TTLL11: variants seen among roughly 807,000 people sequenced by gnomAD.
TTLL11 encodes tubulin tyrosine ligase like 11.
TTLL11 carries 42 observed loss-of-function variants against 51.7 expected under a neutral mutation model. The observed-to-expected ratio is 0.81, with a 90% CI of 0.64 to 1.05. The LOEUF (loss-of-function observed/expected upper bound fraction) is 1.05, where lower values mean the gene tolerates loss of function less well. Ranked by LOEUF, TTLL11 falls within the 50% of genes least tolerant of loss-of-function variation. TTLL11 has a pLI of 0.00. For synonymous variants in TTLL11, 381 were observed against 383.5 expected (o/e 0.99, Z 0.08); for missense variants, 799 against 940.4 (o/e 0.85, Z 1.97).
chr9:122,064,055 C>T (rs1009414500), intron 1 of TTLL11, among the ~76,000 whole-genome samples: 3 of 152,176 alleles, frequency 2.0e-5, no homozygotes, highest in African/African-American at 7.2e-5. Context: ...TGTTCTTATT[C>T]TCTTCTAAAG....
chr9:122,066,674 G>T (rs117924534), intron 1 of TTLL11, among the ~76,000 whole-genome samples: 2,069 of 152,232 alleles, frequency 0.014, 20 homozygotes, highest in Non-Finnish European at 0.022. Context: ...TACACAATCG[G>T]TAAAACTTAT....
At chr9:121,962,636 T>G (rs1842269287) in intron 6 of TTLL11, among the ~76,000 whole-genome samples, 1 of 152,248 alleles carries the variant, frequency 6.6e-6, no homozygotes, top group South Asian at 2.1e-4. Context: ...CAGGTCTTCT[T>G]ATGAAACTTC....
intron 6 of TTLL11, among the ~76,000 whole-genome samples, chr9:121,888,147 C>A (rs763657281): frequency 5.9e-5 from 9 of 152,190 alleles, no homozygotes; most frequent in Non-Finnish European, 1.0e-4. Flanking sequence ...AGGGTTAAGC[C>A]CATCCTGGCT....
Position 122,039,383 on chromosome 9 carries a change from A to G in TTLL11, c.463-15T>C. Reference sequence around the variant, plus strand: ...CCAAATGGGAACTAGAAGAGAAAAAATGTGACTCGCAATAAGAATAAGAAG... The same window carrying G: ...CCAAATGGGAACTAGAAGAGAAAAAGTGTGACTCGCAATAAGAATAAGAAG... On this transcript the variant is annotated splice_polypyrimidine_tract_variant and intron_variant, in intron 1 of 8. Coordinates refer to ENST00000321582, the MANE Select transcript of TTLL11 (RefSeq NM_001139442.2). The G allele has an allele frequency of 1.2e-6, 2 of 1,604,896 alleles. No individual in the cohort carries two copies. Among genetic ancestry groups the G allele is most frequent in the Non-Finnish European group, 1.7e-6 (2 of 1,171,904 alleles).
Position 121,822,786 on chromosome 9 carries a change from A to G in TTLL11, c.1934T>C (p.Ile645Thr). 1 of 1,551,710 alleles carries G rather than the reference A, an allele frequency of 6.4e-7. No homozygotes were observed. Among genetic ancestry groups the G allele is most frequent in the Non-Finnish European group, 8.7e-7 (1 of 1,146,992 alleles). ...GGACAGGTGGTACTCGCAAAGGTCA[A>G]TCAGTGAGGCCACCTGCTCATGAAG... Reference protein sequence around the residue: ...LPLHEQVASLIDLCEYHLSLL... With the variant: ...LPLHEQVASLTDLCEYHLSLL... The change falls in exon 9 of 9, where the codon ATT (isoleucine) becomes ACT (threonine). Residue 645 changes from isoleucine to threonine, a missense_variant. Ile to Thr is a moderately conservative substitution (Grantham distance 89). Coordinates refer to ENST00000321582, the MANE Select transcript of TTLL11 (RefSeq NM_001139442.2). The surrounding 1 kb of genome is among the most constrained non-coding windows in gnomAD (Gnocchi z 5.8).
chr9:121,878,051 T>A (rs574557301), intron 6 of TTLL11, among the ~76,000 whole-genome samples: 1 of 152,330 alleles, frequency 6.6e-6, no homozygotes, highest in African/African-American at 2.4e-5. Context: ...TTTCCTAAGG[T>A]GGCTCAGCTT....
At chr9:121,968,267 A>G (rs1360234638) in intron 6 of TTLL11, among the ~76,000 whole-genome samples, 1 of 152,202 alleles carries the variant, frequency 6.6e-6, no homozygotes, top group African/African-American at 2.4e-5. Flanking sequence ...ACAAAATGCT[A>G]CCTTAGCCAA....
chr9:122,005,424 T>C (rs1335746629), intron 3 of TTLL11, among the ~76,000 whole-genome samples: 1 of 152,100 alleles, frequency 6.6e-6, no homozygotes, highest in Non-Finnish European at 1.5e-5. Context: ...CCATTGATAA[T>C]TCTGCTCAGG....
At chr9:122,063,326 T>C (rs1334052013) in intron 1 of TTLL11, among the ~76,000 whole-genome samples, 1 of 152,210 alleles carries the variant, frequency 6.6e-6, no homozygotes, top group Non-Finnish European at 1.5e-5. Context: ...TGAAGATCCA[T>C]ATATGATAAC....
chr9:121,904,473 C>T (rs1839869257), intron 6 of TTLL11, among the ~76,000 whole-genome samples: 1 of 152,228 alleles, frequency 6.6e-6, no homozygotes, highest in South Asian at 2.1e-4. Flanking sequence ...CCACGCCCAG[C>T]CCAATACATT....
chr9:122,048,836 G>A (rs902574057), intron 1 of TTLL11, among the ~76,000 whole-genome samples: 6 of 152,032 alleles, frequency 3.9e-5, no homozygotes, highest in African/African-American at 1.5e-4. Context: ...ACCCATCACA[G>A]GCCATTCTGC....
chr9:121,877,377 T>C (rs955598187), intron 6 of TTLL11, among the ~76,000 whole-genome samples: 18 of 152,156 alleles, frequency 1.2e-4, no homozygotes, highest in African/African-American at 3.9e-4. Context: ...GCCTGACGGG[T>C]GATGCTAGGC....
chr9:122,024,872 A>C (rs1379514647), intron 3 of TTLL11, among the ~76,000 whole-genome samples: 2 of 151,320 alleles, frequency 1.3e-5, no homozygotes, highest in African/African-American at 2.4e-5. Context: ...GGTTAGATAT[A>C]AATTCCTATA....
chr9:121,830,773 C>T (rs914211852), intron 8 of TTLL11, among the ~76,000 whole-genome samples: 8 of 152,170 alleles, frequency 5.3e-5, no homozygotes, highest in Non-Finnish European at 1.2e-4. Flanking sequence ...TAGAGGAGAC[C>T]TGGAAGGTTC....
At chr9:121,971,320 G>A (rs1382670543) in intron 6 of TTLL11, among the ~76,000 whole-genome samples, 1 of 80,934 alleles carries the variant, frequency 1.2e-5, no homozygotes, top group Admixed American at 1.2e-4. Flanking sequence ...GATGAGGGGC[G>A]CCTCTGCCCG....
intron 3 of TTLL11, among the ~76,000 whole-genome samples, chr9:122,019,823 T>C (rs139719126): frequency 2.0e-5 from 3 of 152,326 alleles, no homozygotes; most frequent in East Asian, 1.9e-4. Context: ...CAGTGGGAGA[T>C]AACTGAATCA....
At chr9:121,826,177 C>A (rs1654617680) in intron 8 of TTLL11, among the ~76,000 whole-genome samples, 11 of 31,156 alleles carry the variant, frequency 3.5e-4, no homozygotes, top group African/African-American at 8.3e-4. Context: ...TATATATAAC[C>A]AGTAACCTAT....
chr9:122,051,681 C>T (rs1044865430), intron 1 of TTLL11, among the ~76,000 whole-genome samples: 7 of 152,184 alleles, frequency 4.6e-5, no homozygotes, highest in Non-Finnish European at 5.9e-5. Context: ...TCACTTCCCA[C>T]TCGCTGGTTG....
At chr9:121,892,364 C>A (rs1239813218) in intron 6 of TTLL11, among the ~76,000 whole-genome samples, 1 of 151,972 alleles carries the variant, frequency 6.6e-6, no homozygotes, top group Non-Finnish European at 1.5e-5. Flanking sequence ...ACTCACAATT[C>A]CACATGGGGG....
Sources: gnomAD v4.1 joint callset for allele counts (sites outside exome capture counted in the v4.1 genomes callset) on GRCh38, gnomAD v4.1.1 for gene constraint, Gnocchi (gnomAD v3.1) non-coding constraint, MANE v1.5 for transcripts, NCBI Gene and HGNC (gene_info 2026-07-23, HGNC 2026-07-21) for gene names.